Variants in MITF observed in about 807,000 individuals in gnomAD.
MITF encodes the protein melanocyte inducing transcription factor.
MITF carries 17 observed loss-of-function variants against 60.5 expected under a neutral mutation model. The ratio of observed to expected loss-of-function variants is 0.28; its 90% confidence interval spans 0.19 to 0.42. The LOEUF (loss-of-function observed/expected upper bound fraction) is 0.42, where lower values mean the gene tolerates loss of function less well. Among genes scored for constraint, MITF ranks in the 10% least tolerant of loss-of-function variants. The probability of loss-of-function intolerance (pLI) is 1.00; values close to 1 mark genes in which losing one functional copy is unlikely to be tolerated. For synonymous variants in MITF, 260 were observed against 248.5 expected, an observed-to-expected ratio of 1.05 and a Z score of -0.43; for missense variants, 622 against 683.5, an observed-to-expected ratio of 0.91 and a Z score of 1.00.
intron 1 of MITF, among the ~76,000 whole-genome samples, chr3:69,775,309 G>A (rs2062456502): frequency 1.3e-5 from 2 of 152,180 alleles, no homozygotes; most frequent in Non-Finnish European, 2.9e-5. Flanking sequence ...ATAAGTGAAA[G>A]GGTAAATGAC....
At chr3:69,742,387 T>C (rs1227156815) in intron 1 of MITF, among the ~76,000 whole-genome samples, 1 of 152,274 alleles carries the variant, frequency 6.6e-6, no homozygotes, top group East Asian at 1.9e-4. Context: ...GTCAAGCAAC[T>C]CTGTGTTAAA....
intron 2 of MITF, among the ~76,000 whole-genome samples, chr3:69,896,623 A>G (rs561232986): frequency 1.7e-4 from 26 of 152,226 alleles, no homozygotes; most frequent in Admixed American, 1.2e-3. Flanking sequence ...TCTGCCCCCA[A>G]TCTTCTTTTT....
chr3:69,893,810 A>G (rs2064812877), intron 2 of MITF, among the ~76,000 whole-genome samples: 1 of 152,176 alleles, frequency 6.6e-6, no homozygotes, highest in African/African-American at 2.4e-5. Flanking sequence ...TCTAACAGTA[A>G]TTTTTGGGGG....
intron 1 of MITF, among the ~76,000 whole-genome samples, chr3:69,873,389 C>T (rs757535862): frequency 6.6e-6 from 1 of 152,156 alleles, no homozygotes; most frequent in Non-Finnish European, 1.5e-5. Context: ...TTTACCAACT[C>T]TTATTTGTGC....
At chr3:69,902,893 T>A (rs764714505) in intron 2 of MITF, among the ~76,000 whole-genome samples, 7 of 151,964 alleles carry the variant, frequency 4.6e-5, no homozygotes, top group Non-Finnish European at 8.8e-5. Flanking sequence ...CCCAAATAGG[T>A]TTGGTTTTGA....
chr3:69,829,001 C>T (rs1026224994), intron 1 of MITF, among the ~76,000 whole-genome samples: 1 of 151,852 alleles, frequency 6.6e-6, no homozygotes, highest in African/African-American at 2.4e-5. Context: ...CAAAGTGTGA[C>T]CCATGGACTG....
At chr3:69,804,713 C>T (rs1396620660) in intron 1 of MITF, among the ~76,000 whole-genome samples, 4 of 152,146 alleles carry the variant, frequency 2.6e-5, no homozygotes, top group Non-Finnish European at 2.9e-5. Context: ...GTTCTGCTTT[C>T]GAGGGTCTCT....
chr3:69,746,868 T>A (rs1703745502), intron 1 of MITF, among the ~76,000 whole-genome samples: 1 of 152,192 alleles, frequency 6.6e-6, no homozygotes, highest in Non-Finnish European at 1.5e-5. Context: ...CCCGTTCTAT[T>A]GCAAATGATC....
At chr3:69,948,451 T>C (rs1268300334) in intron 5 of MITF, among the ~76,000 whole-genome samples, 1 of 151,982 alleles carries the variant, frequency 6.6e-6, no homozygotes, top group Non-Finnish European at 1.5e-5. Context: ...TTGCTCTCTT[T>C]TAAAGTCTGT....
intron 1 of MITF, among the ~76,000 whole-genome samples, chr3:69,865,780 C>T (rs1356559200): frequency 2.6e-5 from 4 of 152,140 alleles, no homozygotes; most frequent in Non-Finnish European, 4.4e-5. Flanking sequence ...TGCACAGATG[C>T]AAAACACCTA....
intron 2 of MITF, among the ~76,000 whole-genome samples, chr3:69,930,333 G>A (rs2065690994): frequency 1.3e-5 from 2 of 152,138 alleles, no homozygotes; most frequent in African/African-American, 4.8e-5. Context: ...TAAGGAGAGT[G>A]AGAAGAAATG....
intron 2 of MITF, among the ~76,000 whole-genome samples, chr3:69,893,893 A>T (rs986606945): frequency 5.9e-5 from 9 of 152,186 alleles, no homozygotes; most frequent in African/African-American, 9.6e-5. Context: ...TAAAAGACTT[A>T]TATGTTGTTT....
intron 1 of MITF, among the ~76,000 whole-genome samples, chr3:69,845,442 C>CTTTTTTTTTTTTTTTTTCTT (rs751773040): frequency 1.5e-5 from 2 of 136,822 alleles, no homozygotes; most frequent in Middle Eastern, 3.8e-3. Context: ...TTTTTTCTTT[C>CTTTTTTTTTTTTTTTTTCTT]TTTTTTTTTT....
intron 1 of MITF, among the ~76,000 whole-genome samples, chr3:69,804,229 C>T (rs2062969088): frequency 6.6e-6 from 1 of 152,122 alleles, no homozygotes; most frequent in African/African-American, 2.4e-5. Flanking sequence ...GTTTCTTGAT[C>T]AAGTTTTGTT....
chr3:69,762,487 A>G (rs1298801491), intron 1 of MITF, among the ~76,000 whole-genome samples: 1 of 152,178 alleles, frequency 6.6e-6, no homozygotes, highest in Admixed American at 6.6e-5. Flanking sequence ...TTCCATTGAG[A>G]TATTATCGAC....
At chr3:69,795,258 T>C (rs958539087) in intron 1 of MITF, among the ~76,000 whole-genome samples, 2 of 152,244 alleles carry the variant, frequency 1.3e-5, no homozygotes. Flanking sequence ...CAAACTAGTA[T>C]ATTTTAATAG....
At chr3:69,923,738 C>T (rs1291069812) in intron 2 of MITF, among the ~76,000 whole-genome samples, 1 of 152,306 alleles carries the variant, frequency 6.6e-6, no homozygotes, top group East Asian at 1.9e-4. Flanking sequence ...TCCTCTTCCT[C>T]TTTATATGCA....
intron 1 of MITF, among the ~76,000 whole-genome samples, chr3:69,816,475 A>G (rs990592961): frequency 1.2e-4 from 18 of 152,130 alleles, no homozygotes; most frequent in African/African-American, 3.9e-4. Flanking sequence ...TGTTTCATAT[A>G]TTTTTGTCTG....
intron 1 of MITF, among the ~76,000 whole-genome samples, chr3:69,772,724 A>G (rs1468988874): frequency 6.6e-6 from 1 of 152,090 alleles, no homozygotes; most frequent in Non-Finnish European, 1.5e-5. Context: ...GCTGCTTCCT[A>G]TGGGCTGCCA....
Sources: gnomAD v4.1 joint callset for allele counts (sites outside exome capture counted in the v4.1 genomes callset) on GRCh38, gnomAD v4.1.1 for gene constraint, MANE v1.5 for transcripts, NCBI Gene and HGNC (gene_info 2026-07-23, HGNC 2026-07-21) for gene names.